The following DGKH variants were observed in gnomAD, a reference collection of about 807,000 sequenced individuals.
The protein encoded by DGKH is diacylglycerol kinase eta.
A neutral mutation model predicts 159.3 loss-of-function variants in DGKH; 90 were observed. The observed-to-expected ratio is 0.57, with a 90% CI of 0.48 to 0.67. The LOEUF (loss-of-function observed/expected upper bound fraction) is 0.67. Ranked by LOEUF, DGKH falls within the 30% of genes least tolerant of loss-of-function variation. The probability of loss-of-function intolerance (pLI) is 0.00; values close to 1 mark genes in which losing one functional copy is unlikely to be tolerated. For synonymous variants in DGKH, 536 were observed against 553.8 expected (o/e 0.97, Z 0.45); for missense variants, 1,181 against 1,506.1 (o/e 0.78, Z 3.57).
In DGKH at chr13:42,238,090, C is replaced by T. The variant is rs1356200563; in HGVS notation, c.*8902C>T. Reference sequence around the variant, plus strand: ...AAGTTATGTTTTGGTGACTTGGTGTCCCCAGTTAGAAATGGCACACAATAT... The same window carrying T: ...AAGTTATGTTTTGGTGACTTGGTGTTCCCAGTTAGAAATGGCACACAATAT... On this transcript the variant is annotated 3_prime_UTR_variant, in exon 30 of 30. Coordinates refer to ENST00000337343, the MANE Select transcript of DGKH (RefSeq NM_178009.5). The T allele has an allele frequency of 6.6e-6, 1 of 152,096 alleles. No homozygotes were observed. The highest frequency in any genetic ancestry group is 1.5e-5 in the Non-Finnish European group (1 of 68,014). 9.4% of individuals were successfully genotyped at this position (152,096 alleles called of 1,614,324 possible). A position where few individuals can be genotyped will look rare whatever the true frequency, so the allele number is the denominator to read the frequency against.
intron 1 of DGKH, among the ~76,000 whole-genome samples, chr13:42,089,236 G>T (rs2137741732): frequency 6.6e-6 from 1 of 152,274 alleles, no homozygotes; most frequent in Non-Finnish European, 1.5e-5. Flanking sequence ...GATATTGACT[G>T]GAACATCATT....
intron 4 of DGKH, 61 bp from the exon 5 acceptor site, chr13:42,155,606 G>C: frequency 6.2e-7 from 1 of 1,611,488 alleles, no homozygotes; most frequent in Non-Finnish European, 8.5e-7. Flanking sequence ...ATTCCAAACA[G>C]TTCAGCATCT....
At chr13:42,079,482 G>A (rs879414083) in intron 1 of DGKH, among the ~76,000 whole-genome samples, 7 of 151,888 alleles carry the variant, frequency 4.6e-5, no homozygotes, top group Middle Eastern at 3.2e-3. Context: ...CCAAGCCTCC[G>A]TTGTCTCATT....
chr13:42,041,151 A>G (rs916427550), intron 1 of DGKH, among the ~76,000 whole-genome samples: 4 of 152,124 alleles, frequency 2.6e-5, no homozygotes, highest in African/African-American at 9.7e-5. Context: ...AACCGCTGGC[A>G]AACCGCTGGC....
At chr13:42,155,172 C>T (rs1277038433) in intron 3 of DGKH, 119 bp from the exon 4 acceptor site, 6 of 802,436 alleles carry the variant, frequency 7.5e-6, no homozygotes, top group Non-Finnish European at 1.2e-5. Context: ...ATACAGATTA[C>T]AAAAACGTAA....
chr13:42,248,531 TTAA>T (rs1192545084), intron 29 of DGKH, among the ~76,000 whole-genome samples: 2 of 147,184 alleles, frequency 1.4e-5, no homozygotes, highest in Admixed American at 6.8e-5. Context: ...ATGCAATTAT[TTAA>T]TAATTATTTA....
intron 13 of DGKH, among the ~76,000 whole-genome samples, chr13:42,181,005 G>A (rs1246228640): frequency 6.6e-6 from 1 of 151,926 alleles, no homozygotes; most frequent in East Asian, 1.9e-4. Context: ...GGCCGGGCGC[G>A]GTGGCTCACG....
chr13:42,069,058 G>A (rs9525566), intron 1 of DGKH: 391,338 of 1,418,796 alleles, frequency 0.28, 57,543 homozygotes, highest in East Asian at 0.48. Flanking sequence ...GTGAAACTGC[G>A]GGATGCCTAT....
chr13:42,045,927 TTGACATGAA>T (rs1158049042), upstream of DGKH, among the ~76,000 whole-genome samples: 4 of 152,244 alleles, frequency 2.6e-5, no homozygotes, highest in African/African-American at 7.2e-5. Flanking sequence ...ATTCATAAAG[TTGACATGAA>T]ATTTGGCTGT....
In DGKH at chr13:42,240,348, G is replaced by A. The variant is rs898578728; in HGVS notation, c.*11160G>A. ...TGTGAAAAATAATCATCTGTTAGCT[G>A]TAAATCAGAAATATTGGCCAAATCA... On this transcript the variant is annotated 3_prime_UTR_variant, in exon 30 of 30. Coordinates refer to ENST00000337343, the MANE Select transcript of DGKH (RefSeq NM_178009.5). The A allele has an allele frequency of 1.3e-5, 2 of 152,194 alleles. No homozygotes were observed. The highest frequency in any genetic ancestry group is 6.5e-5 in the Admixed American group (1 of 15,272). 9.4% of individuals were successfully genotyped at this position (152,194 alleles called of 1,614,324 possible). A position where few individuals can be genotyped will look rare whatever the true frequency, so the allele number is the denominator to read the frequency against.
At chr13:42,065,964 C>T (rs1415327342) in intron 1 of DGKH, 1 of 152,262 alleles carries the variant, frequency 6.6e-6, no homozygotes, top group Admixed American at 6.5e-5. Flanking sequence ...GTGGTGTGAT[C>T]TTGGCTCACT....
chr13:42,166,557 T>C lies in DGKH; in HGVS notation c.1001T>C (p.Leu334Ser). ...TTTTCGTTCTGTGTTAGTCCTCTAT[T>C]GGTTTTTGTCAATTCTAAGAGTGGA... ...ATFSFCVSPLLVFVNSKSGDN... is the reference protein window; with the variant it reads ...ATFSFCVSPLSVFVNSKSGDN... The change falls in exon 9 of 30, where the codon TTG (leucine) becomes TCG (serine). Residue 334 changes from leucine to serine, a missense_variant. Physicochemically the swap from Leu to Ser is moderately radical, Grantham distance 145. Around this residue, in one of 5 missense-constraint regions of DGKH, gnomAD observed 369 missense variants for 519.4 expected, o/e 0.71. Coordinates refer to ENST00000337343, the MANE Select transcript of DGKH (RefSeq NM_178009.5). 6.3e-7 allele frequency: 1 copy of C among 1,598,380 alleles called. No homozygotes were observed. The highest frequency in any genetic ancestry group is 8.5e-7 in the Non-Finnish European group (1 of 1,172,894).
intron 5 of DGKH, 48 bp downstream of exon 5, chr13:42,155,847 T>C: frequency 1.9e-6 from 3 of 1,603,080 alleles, no homozygotes; most frequent in Non-Finnish European, 2.6e-6. Flanking sequence ...AACCATACTG[T>C]AGACATGCTG....
intron 3 of DGKH, among the ~76,000 whole-genome samples, chr13:42,142,454 G>A (rs1955589746): frequency 2.0e-5 from 3 of 151,324 alleles, no homozygotes; most frequent in African/African-American, 7.3e-5. Context: ...TAGCTTGATG[G>A]GGATGGCATT....
intron 1 of DGKH, among the ~76,000 whole-genome samples, chr13:42,107,043 C>CA (rs201207601): frequency 0.013 from 1,946 of 149,970 alleles, 23 homozygotes; most frequent in Non-Finnish European, 0.018. Flanking sequence ...GACTGTGTCT[C>CA]AAAAAAAAAG....
chr13:42,161,910 T>G lies in DGKH; in HGVS notation c.855+1774T>G, dbSNP rs550925029. On this transcript the variant is annotated intron_variant, in intron 7 of 29. Coordinates refer to ENST00000337343, the MANE Select transcript of DGKH (RefSeq NM_178009.5). ...TTACTTTAAAAAAAAATCAGTAGTT[T>G]TTAAACTCTGTTAACTTTAACAGCA... Among the ~76,000 whole-genome samples, 9 of 152,372 alleles carry G rather than the reference T, an allele frequency of 5.9e-5. No individual in the cohort carries two copies. The South Asian group carries it at 1.9e-3, about 32-fold the overall frequency.
chr13:42,055,853 T>A (rs1881718868), intron 1 of DGKH, among the ~76,000 whole-genome samples: 1 of 152,238 alleles, frequency 6.6e-6, no homozygotes, highest in Non-Finnish European at 1.5e-5. Context: ...ATTTAGTCAC[T>A]GGAAACACAT....
At position 42,232,546 on chromosome 13, in the gene DGKH, C is replaced by T. The variant is rs1402665704; in HGVS notation, c.*3358C>T. On this transcript the variant is annotated 3_prime_UTR_variant, in exon 30 of 30. Transcript: ENST00000337343. ...TTGCTGAAATTCTCACTGCCTTCTACTTTCCTTTCCCCATCAATTAACCCA... is the reference window on the plus strand; with the variant it reads ...TTGCTGAAATTCTCACTGCCTTCTATTTTCCTTTCCCCATCAATTAACCCA... The T allele has an allele frequency of 6.6e-6, 1 of 152,186 alleles. No individual in the cohort carries two copies. The highest frequency in any genetic ancestry group is 1.5e-5 in the Non-Finnish European group (1 of 68,032). 9.4% of individuals were successfully genotyped at this position (152,186 alleles called of 1,614,324 possible). A position where few individuals can be genotyped will look rare whatever the true frequency, so the allele number is the denominator to read the frequency against.
At chr13:42,222,480 ATAAT>A (rs1472838250) in intron 29 of DGKH, among the ~76,000 whole-genome samples, 3 of 152,188 alleles carry the variant, frequency 2.0e-5, no homozygotes, top group East Asian at 1.9e-4. Flanking sequence ...ATAAAATAAA[ATAAT>A]TAATTAATTA....
Sources: gnomAD v4.1 joint callset for allele counts (sites outside exome capture counted in the v4.1 genomes callset) on GRCh38, gnomAD v4.1.1 for gene constraint, gnomAD v4.1.1 regional missense constraint, MANE v1.5 for transcripts, NCBI Gene and HGNC (gene_info 2026-07-23, HGNC 2026-07-21) for gene names.